The following FAM135B variants were observed in gnomAD, a reference collection of about 807,000 sequenced individuals.
FAM135B encodes the protein protein FAM135B.
FAM135B carries 43 observed loss-of-function variants against 127.7 expected under a neutral mutation model. The observed-to-expected ratio is 0.34, with a 90% CI of 0.26 to 0.43. The LOEUF is 0.43. Ranked by LOEUF, FAM135B falls within the 20% of genes least tolerant of loss-of-function variation. The probability of loss-of-function intolerance (pLI) is 1.00; values close to 1 mark genes in which losing one functional copy is unlikely to be tolerated. For synonymous variants in FAM135B, 670 were observed against 665.1 expected, an observed-to-expected ratio of 1.01 and a Z score of -0.11; for missense variants, 1,558 against 1,725.6, an observed-to-expected ratio of 0.90 and a Z score of 1.72.
intron 3 of FAM135B, among the ~76,000 whole-genome samples, chr8:138,268,643 A>G (rs1377469440): frequency 6.6e-6 from 1 of 152,124 alleles, no homozygotes; most frequent in African/African-American, 2.4e-5. Context: ...ACATCTGGAT[A>G]CCCGACCCAC....
chr8:138,412,157 C>G (rs1409777015), intron 1 of FAM135B, among the ~76,000 whole-genome samples: 2 of 152,156 alleles, frequency 1.3e-5, no homozygotes, highest in Non-Finnish European at 2.9e-5. Context: ...TATCCCCAGC[C>G]TCAGCATCAT....
At chr8:138,450,825 T>C (rs1462604932) in intron 1 of FAM135B, 2 of 152,196 alleles carry the variant, frequency 1.3e-5, no homozygotes, top group African/African-American at 4.8e-5. Context: ...GAAGGAATGA[T>C]GCAAAAATGC....
intron 2 of FAM135B, among the ~76,000 whole-genome samples, chr8:138,315,315 T>C (rs1489000993): frequency 6.6e-6 from 1 of 152,110 alleles, no homozygotes; most frequent in Non-Finnish European, 1.5e-5. Flanking sequence ...AGACAAGAAA[T>C]AACCAGTGTT....
At chr8:138,375,137 A>T (rs1022652632) in intron 1 of FAM135B, among the ~76,000 whole-genome samples, 1 of 152,172 alleles carries the variant, frequency 6.6e-6, no homozygotes. Context: ...CTCTGGCAAA[A>T]AAAAAACTGC....
intron 1 of FAM135B, among the ~76,000 whole-genome samples, chr8:138,419,767 A>C (rs1221653704): frequency 6.6e-6 from 1 of 152,196 alleles, no homozygotes; most frequent in Non-Finnish European, 1.5e-5. Context: ...TAAAGAATGA[A>C]ATTAAGACAG....
intron 7 of FAM135B, among the ~76,000 whole-genome samples, chr8:138,200,537 C>A (rs1183793817): frequency 6.6e-6 from 1 of 152,148 alleles, no homozygotes; most frequent in Non-Finnish European, 1.5e-5. Flanking sequence ...GGCCGATACT[C>A]TTATTTTGAT....
chr8:138,379,399 T>C (rs1031499464), intron 1 of FAM135B, among the ~76,000 whole-genome samples: 11 of 152,184 alleles, frequency 7.2e-5, no homozygotes, highest in Non-Finnish European at 1.6e-4. Flanking sequence ...AGTAACATTA[T>C]GGCTTTTCAA....
intron 1 of FAM135B, among the ~76,000 whole-genome samples, chr8:138,460,918 G>A (rs1837084706): frequency 6.6e-6 from 1 of 152,156 alleles, no homozygotes; most frequent in South Asian, 2.1e-4. Context: ...GATCTGGACT[G>A]AGGTAGGGCT....
At chr8:138,285,715 T>G (rs1438848092) in intron 3 of FAM135B, among the ~76,000 whole-genome samples, 1 of 152,214 alleles carries the variant, frequency 6.6e-6, no homozygotes, top group Non-Finnish European at 1.5e-5. Context: ...GAGCATTAAT[T>G]TCCCAGAGTC....
chr8:138,157,273 A>T (rs538909283), intron 12 of FAM135B, among the ~76,000 whole-genome samples: 110 of 152,298 alleles, frequency 7.2e-4, no homozygotes, highest in African/African-American at 1.9e-3. Flanking sequence ...TTCTCAATAA[A>T]CTAGGTATTG....
In FAM135B at chr8:138,152,440, A is replaced by T. The variant is rs1586614628; in HGVS notation, c.2035T>A (p.Ser679Thr). The stretch of plus-strand genomic sequence containing the variant: ...CCTGAATCAGATATGATGGATGAAG[A>T]TCTCTTGATGACCCCGGATAGCACT... ...LSVLSGVIKR[S>T]SSIISDSGIE... Residue 679 changes from serine to threonine, a missense_variant, in exon 13 of 20, where the codon TCT becomes ACT. Ser to Thr is a moderately conservative substitution (Grantham distance 58). Around this residue, in one of 5 missense-constraint regions of FAM135B, gnomAD observed 923 missense variants for 865.3 expected, o/e 1.07. Coordinates refer to ENST00000395297, the MANE Select transcript of FAM135B (RefSeq NM_015912.4). 1 of 1,614,136 alleles carries T rather than the reference A, an allele frequency of 6.2e-7. No individual in the cohort carries two copies. Among genetic ancestry groups the T allele is most frequent in the Non-Finnish European group, 8.5e-7 (1 of 1,180,034 alleles).
At chr8:138,135,096 A>G (rs1264478778) in intron 19 of FAM135B, among the ~76,000 whole-genome samples, 1 of 152,194 alleles carries the variant, frequency 6.6e-6, no homozygotes, top group South Asian at 2.1e-4. Context: ...GAAAGCAGCC[A>G]TATACAATAT....
chr8:138,324,876 G>T (rs1827696180), intron 2 of FAM135B, among the ~76,000 whole-genome samples: 1 of 152,164 alleles, frequency 6.6e-6, no homozygotes, highest in South Asian at 2.1e-4. Context: ...TCTACAGGAA[G>T]CTGAAAAGCA....
At chr8:138,296,424 T>A (rs939426880) in intron 3 of FAM135B, among the ~76,000 whole-genome samples, 6 of 152,222 alleles carry the variant, frequency 3.9e-5, no homozygotes, top group African/African-American at 1.4e-4. Flanking sequence ...TATTGAATTA[T>A]TTTTAGGCAA....
intron 1 of FAM135B, chr8:138,438,374 T>C (rs1193485829): frequency 1.3e-5 from 2 of 151,976 alleles, no homozygotes; most frequent in African/African-American, 4.8e-5. Context: ...AATCAAAAAA[T>C]ATAATAAAGG....
At chr8:138,460,945 G>A (rs554987258) in intron 1 of FAM135B, among the ~76,000 whole-genome samples, 14 of 152,250 alleles carry the variant, frequency 9.2e-5, no homozygotes, top group East Asian at 3.9e-4. Context: ...CCTGCAGAGC[G>A]GGGCCTGGCA....
intron 1 of FAM135B, among the ~76,000 whole-genome samples, chr8:138,430,932 G>T (rs914488856): frequency 6.6e-6 from 1 of 152,086 alleles, no homozygotes; most frequent in Admixed American, 6.6e-5. Flanking sequence ...ATACCACCAC[G>T]AAATTTCCCA....
At chr8:138,471,563 G>T (rs1050914990) in intron 1 of FAM135B, among the ~76,000 whole-genome samples, 1 of 152,130 alleles carries the variant, frequency 6.6e-6, no homozygotes, top group African/African-American at 2.4e-5. Flanking sequence ...ACTGAGACAG[G>T]AACCTCAAAG....
At chr8:138,148,731 T>C (rs774802547) in intron 13 of FAM135B, 45 bp from the exon 14 acceptor site, 1 of 1,467,138 alleles carries the variant, frequency 6.8e-7, no homozygotes, top group South Asian at 1.2e-5. Flanking sequence ...GTGTACTTCA[T>C]GTTGAACAGG....
Sources: allele counts gnomAD v4.1 joint callset (sites outside exome capture counted in the v4.1 genomes callset), GRCh38; gene constraint gnomAD v4.1.1; regional missense constraint gnomAD v4.1.1; transcripts MANE v1.5; gene names NCBI Gene and HGNC (gene_info 2026-07-23, HGNC 2026-07-21).